Variants in PTGFRN observed in about 807,000 individuals in gnomAD.
The protein encoded by PTGFRN is prostaglandin F2 receptor inhibitor.
In PTGFRN, 35 loss-of-function variants were observed where a neutral mutation model predicts 83.2. That is an observed-to-expected ratio of 0.42 (90% CI 0.32 to 0.56). The LOEUF is 0.56. PTGFRN is among the 20% of genes least tolerant of loss of function. The pLI is 0.11. For missense variants in PTGFRN, 1,051 were observed against 1,179.5 expected, an observed-to-expected ratio of 0.89 and a Z score of 1.60; for synonymous variants, 519 against 498.6, an observed-to-expected ratio of 1.04 and a Z score of -0.55.
intron 6 of PTGFRN, among the ~76,000 whole-genome samples, chr1:116,968,288 A>G (rs1650896171): frequency 6.6e-6 from 1 of 152,190 alleles, no homozygotes; most frequent in African/African-American, 2.4e-5. Flanking sequence ...GAATCATACA[A>G]TGAATGCAAG....
chr1:116,935,130 T>C (rs1222635504), intron 1 of PTGFRN, among the ~76,000 whole-genome samples: 2 of 152,206 alleles, frequency 1.3e-5, no homozygotes, highest in Non-Finnish European at 2.9e-5. Flanking sequence ...GTATCTTTCA[T>C]GTCAGTTACC....
rs769500572 is a variant in PTGFRN, at chr1:116,967,077, G to A, written c.1806G>A (p.Thr602=). 6.2e-6 allele frequency: 10 copies of A among 1,614,084 alleles called. No homozygotes were observed. The highest frequency in any genetic ancestry group is 4.4e-5 in the South Asian group (4 of 91,088). The change falls in exon 6 of 9, where the codon ACG becomes ACA. Residue 602 remains threonine, a synonymous_variant. Coordinates refer to ENST00000393203, the MANE Select transcript of PTGFRN (RefSeq NM_020440.4). Reference sequence around the variant, plus strand: ...GCGACCTCTCCAGTCCCAATGAAACGAAGTACATCATCTCTCTGGACCAGG... The same window carrying A: ...GCGACCTCTCCAGTCCCAATGAAACAAAGTACATCATCTCTCTGGACCAGG... The part of the protein sequence containing the change: ...PVGDLSSPNE[T]KYIISLDQDS...
chr1:116,946,726 A>C (rs1650210819), intron 3 of PTGFRN, among the ~76,000 whole-genome samples: 1 of 152,210 alleles, frequency 6.6e-6, no homozygotes, highest in Non-Finnish European at 1.5e-5. Context: ...CTTTTCTCAG[A>C]ATTAACATGT....
At chr1:116,975,447 C>T (rs887299573) in intron 7 of PTGFRN, among the ~76,000 whole-genome samples, 4 of 152,178 alleles carry the variant, frequency 2.6e-5, no homozygotes, top group African/African-American at 7.2e-5. Context: ...CCCTGACCCC[C>T]GAGTAGCCTA....
chr1:116,923,083 T>A lies in PTGFRN; in HGVS notation c.49+12831T>A, dbSNP rs2101053164. Among the ~76,000 whole-genome samples, 1 of 152,346 alleles carries A rather than the reference T, an allele frequency of 6.6e-6. No individual in the cohort carries two copies. Among genetic ancestry groups the A allele is most frequent in the Middle Eastern group, 3.4e-3 (1 of 294 alleles). ...TGAGAGCACAGCCATCGGTTTGTGATGATCTGTTTATTAGGATGAGCATTT... is the reference window on the plus strand; with the variant it reads ...TGAGAGCACAGCCATCGGTTTGTGAAGATCTGTTTATTAGGATGAGCATTT... On this transcript the variant is annotated intron_variant, in intron 1 of 8. Coordinates refer to ENST00000393203, the MANE Select transcript of PTGFRN (RefSeq NM_020440.4). The surrounding 1 kb of genome is among the most constrained non-coding windows in gnomAD (Gnocchi z 4.0).
intron 1 of PTGFRN, among the ~76,000 whole-genome samples, chr1:116,913,062 A>G (rs1649312210): frequency 6.6e-6 from 1 of 152,212 alleles, no homozygotes; most frequent in Admixed American, 6.5e-5. Context: ...TGTGTGTTCA[A>G]TACTGGGAGT....
chr1:116,984,657 G>C, intron 7 of PTGFRN, 23 bp from the exon 8 acceptor site: 1 of 1,607,182 alleles, frequency 6.2e-7, no homozygotes, highest in Non-Finnish European at 8.5e-7. Context: ...CTGACCCCAG[G>C]GTTTTGGCTT....
chr1:116,979,867 A>T (rs1448577267), intron 7 of PTGFRN, among the ~76,000 whole-genome samples: 2 of 152,242 alleles, frequency 1.3e-5, no homozygotes, highest in South Asian at 2.1e-4. Context: ...CAAAATAGAC[A>T]AATGGGATCT....
intron 5 of PTGFRN, among the ~76,000 whole-genome samples, chr1:116,963,484 C>T (rs937556719): frequency 1.3e-5 from 2 of 152,182 alleles, no homozygotes; most frequent in African/African-American, 2.4e-5. Context: ...TCTCTTATGT[C>T]TTTGGTAATT....
At chr1:116,968,922 G>T (rs1650914802) in intron 6 of PTGFRN, among the ~76,000 whole-genome samples, 1 of 152,002 alleles carries the variant, frequency 6.6e-6, no homozygotes, top group South Asian at 2.1e-4. Context: ...TCATTGTATG[G>T]ATATGCCACA....
At chr1:116,945,905 G>C (rs1650190429) in intron 3 of PTGFRN, among the ~76,000 whole-genome samples, 1 of 152,154 alleles carries the variant, frequency 6.6e-6, no homozygotes, top group Admixed American at 6.5e-5. Context: ...GCTCAGCTCT[G>C]TTCTGGGCCC....
chr1:116,932,624 A>T (rs1016927840), intron 1 of PTGFRN, among the ~76,000 whole-genome samples: 5 of 152,058 alleles, frequency 3.3e-5, no homozygotes, highest in African/African-American at 1.2e-4. Flanking sequence ...AGTTTCTTCT[A>T]TTCTCTCATC....
At position 116,982,836 on chromosome 1, in the gene PTGFRN, C is replaced by T. The variant is rs6679226; in HGVS notation, c.2168-1844C>T. Among the ~76,000 whole-genome samples the T allele has an allele frequency of 3.0e-3, 460 of 151,996 alleles. 2 individuals carry two copies. The highest frequency in any genetic ancestry group is 0.01 in the African/African-American group (435 of 41,452). On this transcript the variant is annotated intron_variant, in intron 7 of 8. Coordinates refer to ENST00000393203, the MANE Select transcript of PTGFRN (RefSeq NM_020440.4). Reference sequence around the variant, plus strand: ...AGAGCAGTTCATAACCTCCAGGTGGCGGCTTCCATCAGCCTAAGCCCGGCC... The same window carrying T: ...AGAGCAGTTCATAACCTCCAGGTGGTGGCTTCCATCAGCCTAAGCCCGGCC...
intron 5 of PTGFRN, among the ~76,000 whole-genome samples, chr1:116,962,119 C>T (rs1303594260): frequency 6.6e-6 from 1 of 152,144 alleles, no homozygotes; most frequent in African/African-American, 2.4e-5. Context: ...CTGCAGCTTC[C>T]AGGTCGTTTT....
At chr1:116,935,683 C>A (rs1417912890) in intron 1 of PTGFRN, among the ~76,000 whole-genome samples, 1 of 151,966 alleles carries the variant, frequency 6.6e-6, no homozygotes, top group East Asian at 1.9e-4. Flanking sequence ...GTTAAAGTGC[C>A]CTTATTTTGT....
At chr1:116,927,188 C>T (rs1473593454) in intron 1 of PTGFRN, among the ~76,000 whole-genome samples, 5 of 152,272 alleles carry the variant, frequency 3.3e-5, no homozygotes, top group South Asian at 2.1e-4. Flanking sequence ...TAATGGCTGC[C>T]GCTTGACTTC....
chr1:116,975,087 T>C (rs149312898), intron 7 of PTGFRN, among the ~76,000 whole-genome samples: 2,185 of 152,320 alleles, frequency 0.014, 54 homozygotes, highest in African/African-American at 0.05. Flanking sequence ...ATCCTGCACC[T>C]GGCTCGGAGG....
intron 1 of PTGFRN, among the ~76,000 whole-genome samples, chr1:116,919,392 G>GCTTTT (rs368417008): frequency 3.3e-5 from 5 of 152,010 alleles, no homozygotes. Context: ...CAGGCACTAC[G>GCTTTT]CTTTTCTTTT....
intron 5 of PTGFRN, among the ~76,000 whole-genome samples, chr1:116,963,712 A>G (rs1650737634): frequency 6.6e-6 from 1 of 151,224 alleles, no homozygotes; most frequent in South Asian, 2.1e-4. Flanking sequence ...GGCTCCAGTG[A>G]TCCTTCCACC....
Sources: allele counts gnomAD v4.1 joint callset (sites outside exome capture counted in the v4.1 genomes callset), GRCh38; gene constraint gnomAD v4.1.1; non-coding constraint Gnocchi (gnomAD v3.1); transcripts MANE v1.5; gene names NCBI Gene and HGNC (gene_info 2026-07-23, HGNC 2026-07-21).